BST1: variants seen among roughly 807,000 people sequenced by gnomAD.
BST1 encodes ADP-ribosyl cyclase/cyclic ADP-ribose hydrolase 2.
In BST1, 49 loss-of-function variants were observed where a neutral mutation model predicts 40.6. The ratio of observed to expected loss-of-function variants is 1.21; its 90% CI spans 0.96 to 1.53. BST1 has a LOEUF of 1.53. Among genes scored for constraint, BST1 ranks in the 40% most tolerant of loss-of-function variants. BST1 has a pLI of 0.00. For missense variants in BST1, 423 were observed against 395.9 expected, an observed-to-expected ratio of 1.07 and a Z score of -0.58; for synonymous variants, 157 against 159.3, an observed-to-expected ratio of 0.99 and a Z score of 0.11.
At chr4:15,773,256 CAA>C in the BST1 span, among the ~76,000 whole-genome samples, 1 of 152,222 alleles carries the variant, frequency 6.6e-6, no homozygotes, top group African/African-American at 2.4e-5. Flanking sequence ...AGGCAAGAGT[CAA>C]AGACTGGGAA....
At position 15,703,285 on chromosome 4, in the gene BST1, C is replaced by T. The variant is rs752684911; in HGVS notation, c.141C>T (p.Phe47=). The T allele has an allele frequency of 2.0e-6, 3 of 1,534,748 alleles. No individual in the cohort carries two copies. In the South Asian group the frequency reaches 3.6e-5, roughly 18 times the overall value. The change falls in exon 1 of 9, where the codon TTC becomes TTT. Residue 47 remains phenylalanine (F), a synonymous_variant. Coordinates refer to ENST00000265016, the MANE Select transcript of BST1 (RefSeq NM_004334.3). ...EGTSAHLRDI[F]LGRCAEYRAL... ...CCAGCGCACACTTGCGGGACATCTTCCTGGGCCGCTGCGCCGAGTACCGCG... is the reference window on the plus strand; with the variant it reads ...CCAGCGCACACTTGCGGGACATCTTTCTGGGCCGCTGCGCCGAGTACCGCG...
the BST1 span, among the ~76,000 whole-genome samples, chr4:15,748,026 C>G: frequency 6.6e-6 from 1 of 152,276 alleles, no homozygotes; most frequent in Non-Finnish European, 1.5e-5. Flanking sequence ...TTTCAATGAG[C>G]CATTCCTACA....
At chr4:15,715,611 G>T (rs1255151834) in intron 5 of BST1, 96 bp from the exon 6 acceptor site, 3 of 967,080 alleles carry the variant, frequency 3.1e-6, no homozygotes, top group Non-Finnish European at 4.5e-6. Context: ...ACTTCTAAAA[G>T]CTCTTTATTT....
chr4:15,754,636 AG>A, the BST1 span, among the ~76,000 whole-genome samples: 5 of 152,238 alleles, frequency 3.3e-5, no homozygotes, highest in Admixed American at 6.5e-5. Flanking sequence ...GTATTTGATA[AG>A]CATGCCTGAA....
chr4:15,754,141 A>T, the BST1 span, among the ~76,000 whole-genome samples: 1 of 152,064 alleles, frequency 6.6e-6, no homozygotes, highest in Non-Finnish European at 1.5e-5. Flanking sequence ...AAGAGAGGAA[A>T]ACCACGATGG....
Position 15,703,083 on chromosome 4 carries a change from C to G in BST1, c.-62C>G. 6.7e-7 allele frequency: 1 copy of G among 1,500,800 alleles called. No homozygotes were observed. Among genetic ancestry groups the G allele is most frequent in the African/African-American group, 1.4e-5 (1 of 69,074 alleles). The allele number at this position is 1,500,800 out of a possible 1,614,324, so 93.0% of individuals were successfully genotyped here. On this transcript the variant is annotated 5_prime_UTR_variant, in exon 1 of 9. Transcript: ENST00000265016. ...GCCCTGCATCAGTTTGCGGAACCGC[C>G]TTGGTAGAAGGAGAGAAGGGGAGTG...
At chr4:15,746,100 C>T in the BST1 span, among the ~76,000 whole-genome samples, 2 of 152,170 alleles carry the variant, frequency 1.3e-5, no homozygotes, top group Non-Finnish European at 2.9e-5. Flanking sequence ...AAGGTGTTTG[C>T]AGTATACCTA....
rs185902954 is a variant in BST1 at position 15,723,283 on chromosome 4, A to G, written c.851+349A>G. 7.0e-4 allele frequency among the ~76,000 whole-genome samples: 107 copies of G among 152,012 alleles called. No homozygotes were observed. The Middle Eastern group carries it at 0.014, about 19-fold the overall frequency. The stretch of plus-strand genomic sequence containing the variant: ...GAGGCGGGGGGCAGAGTCTCGCTCT[A>G]TCGCCCAGGCTGGAGTGCAGTGGCG... On this transcript the variant is annotated intron_variant, in intron 8 of 8. Transcript: ENST00000265016.
chr4:15,731,508 G>C (rs981190772), intron 8 of BST1: 6 of 1,040,714 alleles, frequency 5.8e-6, no homozygotes, highest in Non-Finnish European at 8.9e-6. Context: ...GGGAGTCATA[G>C]TTCTTGAAGC....
At chr4:15,737,015 C>T (rs75163705), downstream of BST1, among the ~76,000 whole-genome samples, 121 of 152,342 alleles carry the variant, frequency 7.9e-4, no homozygotes, top group African/African-American at 2.8e-3. Context: ...GGTTGGCCCA[C>T]ATCCTACCTT....
At chr4:15,710,048 T>C (rs1173523033) in intron 3 of BST1, among the ~76,000 whole-genome samples, 19 of 152,076 alleles carry the variant, frequency 1.2e-4, no homozygotes, top group Admixed American at 1.2e-3. Flanking sequence ...TCCTAGCTCA[T>C]TGCAGCCTTG....
chr4:15,736,873 A>T (rs1022561389), downstream of BST1, among the ~76,000 whole-genome samples: 4 of 152,086 alleles, frequency 2.6e-5, no homozygotes, highest in African/African-American at 9.7e-5. Flanking sequence ...ATAATGCTTT[A>T]CCCTGACCAG....
chr4:15,764,085 T>C, the BST1 span, among the ~76,000 whole-genome samples: 1 of 152,034 alleles, frequency 6.6e-6, no homozygotes, highest in Non-Finnish European at 1.5e-5. Flanking sequence ...TGTTGGCTCA[T>C]TGATATTAAC....
Position 15,707,556 on chromosome 4 carries a change from G to A in BST1, c.361G>A (p.Asp121Asn), listed in dbSNP as rs1719946480. 1 of 1,613,998 alleles carries A rather than the reference G, an allele frequency of 6.2e-7. No homozygotes were observed. The highest frequency in any genetic ancestry group is 1.1e-5 in the South Asian group (1 of 91,070). ...NSHLLVNSFADNTRRFMPLSD... is the reference protein window; with the variant it reads ...NSHLLVNSFANNTRRFMPLSD... ...CCACCTCCTTGTTAACAGCTTTGCAGACAACACCCGTCGTTTTATGCCCCT... is the reference window on the plus strand; with the variant it reads ...CCACCTCCTTGTTAACAGCTTTGCAAACAACACCCGTCGTTTTATGCCCCT... Residue 121 changes from aspartate (D) to asparagine (N), a missense_variant, in exon 3 of 9, where the codon GAC (aspartate) becomes AAC (asparagine). By Grantham distance (23) the Asp-to-Asn change is conservative. Coordinates refer to ENST00000265016, the MANE Select transcript of BST1 (RefSeq NM_004334.3).
At chr4:15,756,148 AC>A in the BST1 span, among the ~76,000 whole-genome samples, 2 of 152,232 alleles carry the variant, frequency 1.3e-5, no homozygotes, top group Non-Finnish European at 2.9e-5. Flanking sequence ...AAAAACAACA[AC>A]AAAACAAGGG....
chr4:15,730,943 G>T, intron 8 of BST1: 4 of 324,958 alleles, frequency 1.2e-5, no homozygotes, highest in East Asian at 8.2e-5. Flanking sequence ...GGTAGCAGTA[G>T]AATTTATTCA....
At chr4:15,762,273 A>G in the BST1 span, among the ~76,000 whole-genome samples, 1 of 148,546 alleles carries the variant, frequency 6.7e-6, no homozygotes, top group Non-Finnish European at 1.5e-5. Context: ...GTATGTATAC[A>G]ACTTTCTTTT....
Position 15,732,158 on chromosome 4 carries a change from G to C in BST1, c.*313G>C. The C allele has an allele frequency of 1.8e-6, 2 of 1,097,000 alleles. No individual in the cohort carries two copies. The highest frequency in any genetic ancestry group is 2.2e-6 in the Non-Finnish European group (2 of 898,688). 68.0% of individuals were successfully genotyped at this position (1,097,000 alleles called of 1,614,324 possible). On this transcript the variant is annotated 3_prime_UTR_variant, in exon 9 of 9. Transcript: ENST00000265016. Reference sequence around the variant, plus strand: ...AACATTTTAAGAGAATTCTAATAAAGCTGTATTTTACATCATCTATATTTT... The same window carrying C: ...AACATTTTAAGAGAATTCTAATAAACCTGTATTTTACATCATCTATATTTT...
At chr4:15,771,504 G>C in the BST1 span, among the ~76,000 whole-genome samples, 1 of 152,186 alleles carries the variant, frequency 6.6e-6, no homozygotes, top group African/African-American at 2.4e-5. Context: ...GGTTCCTTTA[G>C]GTTTTATTTT....
Sources: gnomAD v4.1 joint callset for allele counts (sites outside exome capture counted in the v4.1 genomes callset) on GRCh38, gnomAD v4.1.1 for gene constraint, MANE v1.5 for transcripts, NCBI Gene and HGNC (gene_info 2026-07-23, HGNC 2026-07-21) for gene names.